The following DOCK1 variants were observed in gnomAD, a reference collection of about 807,000 sequenced individuals.
DOCK1 encodes dedicator of cytokinesis 1, also known as dedicator of cytokinesis protein 1.
A neutral mutation model predicts 262.7 loss-of-function variants in DOCK1; 138 were observed. That is an observed-to-expected ratio of 0.53 (90% confidence interval 0.46 to 0.61). The LOEUF is 0.61. Among genes scored for constraint, DOCK1 ranks in the 20% least tolerant of loss-of-function variants. DOCK1 has a pLI of 0.00. For synonymous variants in DOCK1, 866 were observed against 867.4 expected, an observed-to-expected ratio of 1.00 and a Z score of 0.03; for missense variants, 1,908 against 2,370.7, an observed-to-expected ratio of 0.80 and a Z score of 4.05.
At chr10:127,177,246 C>A (rs11016652) in intron 27 of DOCK1, 1 of 152,074 alleles carries the variant, frequency 6.6e-6, no homozygotes, top group East Asian at 1.9e-4. Flanking sequence ...TACTTAAATT[C>A]TGAAAGCAAA....
intron 29 of DOCK1, among the ~76,000 whole-genome samples, chr10:127,262,127 T>C (rs981121301): frequency 6.7e-6 from 1 of 149,544 alleles, no homozygotes; most frequent in Admixed American, 6.7e-5. Flanking sequence ...TGTGTGTGTG[T>C]GTACCCGTGC....
intron 46 of DOCK1, among the ~76,000 whole-genome samples, chr10:127,420,938 G>A (rs188892953): frequency 1.4e-4 from 20 of 146,648 alleles, no homozygotes; most frequent in African/African-American, 5.0e-4. Context: ...TGTTTTGGAG[G>A]TGAAGTCTCG....
At chr10:127,234,424 ACTCC>A in intron 27 of DOCK1, among the ~76,000 whole-genome samples, 1 of 152,182 alleles carries the variant, frequency 6.6e-6, no homozygotes, top group African/African-American at 2.4e-5. Context: ...TTAAAAAAGC[ACTCC>A]CTCCAAAAGA....
intron 1 of DOCK1, among the ~76,000 whole-genome samples, chr10:126,953,406 A>G (rs2036486938): frequency 7.3e-6 from 1 of 137,690 alleles, no homozygotes; most frequent in South Asian, 2.4e-4. Flanking sequence ...GGTATTGGTG[A>G]TGGTGGTGGT....
chr10:127,023,737 C>G (rs1004003227), intron 14 of DOCK1, among the ~76,000 whole-genome samples: 4 of 151,954 alleles, frequency 2.6e-5, no homozygotes, highest in African/African-American at 9.7e-5. Flanking sequence ...AGTGCCCGAG[C>G]AGGTCCCTGT....
At chr10:127,022,226 T>C (rs1337667692) in intron 13 of DOCK1, among the ~76,000 whole-genome samples, 1 of 152,118 alleles carries the variant, frequency 6.6e-6, no homozygotes, top group East Asian at 1.9e-4. Flanking sequence ...TTCGGGATCC[T>C]GATAGCTGCC....
Position 127,176,215 on chromosome 10 carries a change from C to CCCTCTGCTCATTCTGTG in DOCK1, c.2847+48456_2847+48472dup. 1 of 1,614,156 alleles carries CCCTCTGCTCATTCTGTG rather than the reference C, an allele frequency of 6.2e-7. No homozygotes were observed. The highest frequency in any genetic ancestry group is 8.5e-7 in the Non-Finnish European group (1 of 1,180,032). The stretch of plus-strand genomic sequence containing the variant: ...AGCTGGCCCGAGGACAGCTGTGTGT[C>CCCTCTGCTCATTCTGTG]CCTCTGCTCATTCTGTGCCTCGCAG... On this transcript the variant is annotated intron_variant, in intron 27 of 51. Transcript: ENST00000623213. The surrounding 1 kb of genome is among the most constrained non-coding windows in gnomAD (Gnocchi z 4.4).
chr10:127,075,493 C>T, intron 23 of DOCK1, among the ~76,000 whole-genome samples: 1 of 152,108 alleles, frequency 6.6e-6, no homozygotes, highest in Non-Finnish European at 1.5e-5. Context: ...TATTTTCACA[C>T]TGCTATAAAG....
At chr10:127,428,561 G>A (rs113153920) in intron 47 of DOCK1, among the ~76,000 whole-genome samples, 3,253 of 147,714 alleles carry the variant, frequency 0.022, 108 homozygotes, top group African/African-American at 0.073. Flanking sequence ...TGTGGATTGG[G>A]GTGCCATGTG....
At chr10:127,145,939 AG>A (rs142252018) in intron 27 of DOCK1, 22,927 of 507,042 alleles carry the variant, frequency 0.045, 2,734 homozygotes, top group African/African-American at 0.31. Context: ...CTTCTCAAAC[AG>A]GTTCTTTCAA....
intron 38 of DOCK1, among the ~76,000 whole-genome samples, chr10:127,390,574 T>C (rs2066414414): frequency 2.0e-5 from 3 of 151,942 alleles, no homozygotes; most frequent in Non-Finnish European, 4.4e-5. Context: ...GAAGACCATA[T>C]TGAGGATACA....
At chr10:127,337,911 G>T (rs1022579794) in intron 29 of DOCK1, among the ~76,000 whole-genome samples, 2 of 152,232 alleles carry the variant, frequency 1.3e-5, no homozygotes, top group Non-Finnish European at 2.9e-5. Flanking sequence ...GGAGGTGGTG[G>T]TGGCAGGTGG....
chr10:127,203,666 T>A (rs2057576341), intron 27 of DOCK1, among the ~76,000 whole-genome samples: 2 of 151,522 alleles, frequency 1.3e-5, no homozygotes, highest in Admixed American at 1.3e-4. Flanking sequence ...TTTTTTCATA[T>A]TATTGAGTCT....
chr10:127,126,261 A>AT (rs1366791040), intron 26 of DOCK1, among the ~76,000 whole-genome samples: 2 of 151,916 alleles, frequency 1.3e-5, no homozygotes, highest in East Asian at 3.9e-4. Context: ...TGCCCAGCTA[A>AT]TTTTTTTGTA....
intron 23 of DOCK1, among the ~76,000 whole-genome samples, chr10:127,087,016 AG>A (rs2047239197): frequency 1.3e-5 from 2 of 152,312 alleles, no homozygotes; most frequent in African/African-American, 4.8e-5. Flanking sequence ...AGGGACAGAA[AG>A]CATTTCTATA....
rs546552747 is a variant in DOCK1 at position 127,422,450 on chromosome 10, C to G, written c.4776+2701C>G. 2.0e-4 allele frequency among the ~76,000 whole-genome samples: 31 copies of G among 152,112 alleles called. No individual in the cohort carries two copies. In the South Asian group the frequency reaches 2.1e-3, roughly 10 times the overall value. ...AAAGTGCTGGGATTACAGGTGTGAG[C>G]CACCGTGCCTGGCCTGTTTATCTTT... On this transcript the variant is annotated intron_variant, in intron 46 of 51. Transcript: ENST00000623213.
chr10:127,293,903 C>T (rs1404883438), intron 29 of DOCK1, among the ~76,000 whole-genome samples: 1 of 152,224 alleles, frequency 6.6e-6, no homozygotes, highest in Non-Finnish European at 1.5e-5. Context: ...TCCACTTCCC[C>T]ACCCAACTCT....
chr10:127,017,890 T>C (rs1487464018), intron 12 of DOCK1, among the ~76,000 whole-genome samples: 1 of 152,196 alleles, frequency 6.6e-6, no homozygotes. Context: ...TTCCTTGTAC[T>C]GTCACCTCCT....
At chr10:127,096,295 G>T (rs901881122) in intron 23 of DOCK1, among the ~76,000 whole-genome samples, 1 of 152,056 alleles carries the variant, frequency 6.6e-6, no homozygotes, top group African/African-American at 2.4e-5. Context: ...CCGCAGAGTG[G>T]GTCGAGGGGC....
Sources: allele counts gnomAD v4.1 joint callset (sites outside exome capture counted in the v4.1 genomes callset), GRCh38; gene constraint gnomAD v4.1.1; non-coding constraint Gnocchi (gnomAD v3.1); transcripts MANE v1.5; gene names NCBI Gene and HGNC (gene_info 2026-07-23, HGNC 2026-07-21).